The following IK variants were observed in gnomAD, a reference collection of about 807,000 sequenced individuals.
IK encodes protein Red.
IK carries 47 observed loss-of-function variants against 90.9 expected under a neutral mutation model. The ratio of observed to expected loss-of-function variants is 0.52; its 90% CI spans 0.41 to 0.66. IK has a LOEUF of 0.66. IK is among the 30% of genes least tolerant of loss of function. The pLI is 0.00. For missense variants in IK, 385 were observed against 709.3 expected, an observed-to-expected ratio of 0.54 and a Z score of 5.19; for synonymous variants, 201 against 227.5, an observed-to-expected ratio of 0.88 and a Z score of 1.05.
intron 2 of IK, among the ~76,000 whole-genome samples, chr5:140,649,164 C>A (rs1757562948): frequency 6.7e-6 from 1 of 149,886 alleles, no homozygotes; most frequent in Non-Finnish European, 1.5e-5. Flanking sequence ...TGATAACATC[C>A]CCAATTCCAG....
intron 9 of IK, 103 bp from the exon 10 acceptor site, chr5:140,657,451 C>G: frequency 1.3e-6 from 1 of 778,158 alleles, no homozygotes; most frequent in Non-Finnish European, 2.1e-6. Flanking sequence ...CTCCCTTCAC[C>G]TACTGTATTG....
intron 15 of IK, 170 bp from the exon 16 acceptor site, chr5:140,660,588 G>A: frequency 1.7e-6 from 1 of 584,792 alleles, no homozygotes; most frequent in East Asian, 2.9e-5. Flanking sequence ...GTGAGCCACT[G>A]CGCCTGGCCC....
intron 6 of IK, 37 bp downstream of exon 6, chr5:140,654,089 G>A (rs576883412): frequency 1.4e-5 from 17 of 1,174,952 alleles, no homozygotes; most frequent in Middle Eastern, 1.9e-4. Flanking sequence ...TAATACTGTC[G>A]TGCTGAATGC....
chr5:140,661,417 TTAAG>T lies in IK; in HGVS notation c.1414-201_1414-198del. ...TCCCTCTTCATAGATTTTATGAGAA[TTAAG>T]TGAGATATGCATTTAGTGTACAGAA... On this transcript the variant is annotated intron_variant, in intron 16 of 19. Coordinates refer to ENST00000417647, the MANE Select transcript of IK (RefSeq NM_006083.4). The surrounding 1 kb of genome is among the most constrained non-coding windows in gnomAD (Gnocchi z 4.2). The T allele has an allele frequency of 5.5e-6, 3 of 543,922 alleles. No individual in the cohort carries two copies. The highest frequency in any genetic ancestry group is 9.9e-6 in the Non-Finnish European group (3 of 303,484). The allele number at this position is 543,922 out of a possible 1,614,324, so 33.7% of individuals were successfully genotyped here. A position where few individuals can be genotyped will look rare whatever the true frequency, so the allele number is the denominator to read the frequency against.
At chr5:140,652,231 C>T in intron 4 of IK, 84 bp downstream of exon 4, 1 of 1,073,196 alleles carries the variant, frequency 9.3e-7, no homozygotes, top group Non-Finnish European at 1.4e-6. Context: ...AAGCTAGAAA[C>T]TAAGATTTTG....
chr5:140,657,427 A>G lies in IK; in HGVS notation c.802-127A>G, dbSNP rs139151359. On this transcript the variant is annotated intron_variant, in intron 9 of 19. Coordinates refer to ENST00000417647, the MANE Select transcript of IK (RefSeq NM_006083.4). Reference sequence around the variant, plus strand: ...TTTTATCTCTGGAATATCCTTTCACAGCACTTCGTTTCCCTCCCTTCACCT... The same window carrying G: ...TTTTATCTCTGGAATATCCTTTCACGGCACTTCGTTTCCCTCCCTTCACCT... The G allele has an allele frequency of 7.7e-4, 493 of 638,546 alleles. 3 individuals are homozygous for G. In the African/African-American group the frequency reaches 8.4e-3, roughly 11 times the overall value. 39.6% of individuals were successfully genotyped at this position (638,546 alleles called of 1,614,324 possible).
chr5:140,651,827 A>C, intron 3 of IK, 21 bp downstream of exon 3: 2 of 1,442,592 alleles, frequency 1.4e-6, no homozygotes, highest in Non-Finnish European at 1.9e-6. Flanking sequence ...GGGTGATCCA[A>C]CCTGTCTCCC....
Position 140,660,109 on chromosome 5 carries a change from G to A in IK, c.1275-6G>A. The stretch of plus-strand genomic sequence containing the variant: ...CCTGTGTAGTGTTTTCTTTAACATA[G>A]CATATGCTGAAGAAGCCAGAAGACA... On this transcript the variant is annotated splice_polypyrimidine_tract_variant and splice_region_variant and intron_variant, in intron 14 of 19. Transcript: ENST00000417647. The A allele has an allele frequency of 6.2e-7, 1 of 1,611,608 alleles. No individual in the cohort carries two copies. The highest frequency in any genetic ancestry group is 8.5e-7 in the Non-Finnish European group (1 of 1,177,942).
intron 2 of IK, among the ~76,000 whole-genome samples, chr5:140,649,735 G>T (rs1218498339): frequency 6.6e-6 from 1 of 151,900 alleles, no homozygotes; most frequent in African/African-American, 2.4e-5. Context: ...GTTTCGCTAT[G>T]TTGGCCAGGC....
At chr5:140,652,194 A>G in intron 4 of IK, 47 bp downstream of exon 4, 1 of 1,404,366 alleles carries the variant, frequency 7.1e-7, no homozygotes, top group Non-Finnish European at 1.0e-6. Flanking sequence ...GATAGTGTTT[A>G]GGGGAAAGAA....
chr5:140,655,987 A>G lies in IK; in HGVS notation c.796A>G (p.Met266Val). ...CCGCAGCAAGGCTGATTGCCCCACC[A>G]TGGAGGTGAGTGAATGGAATCCTGA... is the stretch of plus-strand genomic sequence containing the variant. ...LIRSKADCPT[M>V]EAQTTLTTND... The change falls in exon 9 of 20, where the codon ATG becomes GTG. Residue 266 changes from methionine to valine, a missense_variant. Physicochemically the swap from Met to Val is conservative, Grantham distance 21. Coordinates refer to ENST00000417647, the MANE Select transcript of IK (RefSeq NM_006083.4). The G allele has an allele frequency of 6.4e-7, 1 of 1,552,072 alleles. No individual in the cohort carries two copies. Among genetic ancestry groups the G allele is most frequent in the Non-Finnish European group, 8.7e-7 (1 of 1,147,144 alleles).
chr5:140,658,369 G>A (rs1246441387), intron 10 of IK, among the ~76,000 whole-genome samples: 1 of 151,942 alleles, frequency 6.6e-6, no homozygotes, highest in Non-Finnish European at 1.5e-5. Flanking sequence ...CCAGGCTGGA[G>A]TGCAGTGATG....
In IK at chr5:140,651,796, C is replaced by T. The variant is rs1355747237; in HGVS notation, c.166C>T (p.Arg56Cys). 1.9e-6 allele frequency: 3 copies of T among 1,602,454 alleles called. No individual in the cohort carries two copies. Among genetic ancestry groups the T allele is most frequent in the Middle Eastern group, 1.7e-4 (1 of 6,050 alleles). ...TACCTCTGCACCACCTTCTAAGTCA[C>T]GTCACCATGAGTAAGTCTTTGGGTG... ...APTSAPPSKSRHHEMPREYNE... is the reference protein window; with the variant it reads ...APTSAPPSKSCHHEMPREYNE... The change falls in exon 3 of 20, where the codon CGT becomes TGT. Residue 56 changes from arginine (R) to cysteine (C), a missense_variant. Arg to Cys is a radical substitution (Grantham distance 180). Coordinates refer to ENST00000417647, the MANE Select transcript of IK (RefSeq NM_006083.4).
chr5:140,649,371 A>T (rs1300921489), intron 2 of IK, among the ~76,000 whole-genome samples: 1 of 132,410 alleles, frequency 7.6e-6, no homozygotes, highest in Non-Finnish European at 1.7e-5. Flanking sequence ...ACCATGCACG[A>T]CTGATTTTTT....
intron 15 of IK, 180 bp downstream of exon 15, chr5:140,660,375 G>A (rs540840558): frequency 9.4e-6 from 5 of 530,378 alleles, no homozygotes; most frequent in Non-Finnish European, 1.7e-5. Context: ...TCTGCTCGCT[G>A]CAATCTCCAT....
At chr5:140,650,980 T>C (rs893369145) in intron 2 of IK, among the ~76,000 whole-genome samples, 3 of 152,220 alleles carry the variant, frequency 2.0e-5, no homozygotes, top group Non-Finnish European at 4.4e-5. Context: ...ATGGAGTTGC[T>C]GGCTCATAGG....
At chr5:140,658,900 T>C (rs2149807898) in intron 11 of IK, 39 bp from the exon 12 acceptor site, 1 of 1,611,252 alleles carries the variant, frequency 6.2e-7, no homozygotes, top group Middle Eastern at 1.6e-4. Flanking sequence ...TGAAGGTGTA[T>C]GTGTGAATTT....
At position 140,658,773 on chromosome 5, in the gene IK, T is replaced by C; in HGVS notation, c.947T>C (p.Met316Thr). The C allele has an allele frequency of 1.9e-6, 3 of 1,611,558 alleles. No individual in the cohort carries two copies. The highest frequency in any genetic ancestry group is 8.5e-7 in the Non-Finnish European group (1 of 1,178,550). Residue 316 changes from methionine (M) to threonine (T), a missense_variant, in exon 11 of 20, where the codon ATG (methionine) becomes ACG (threonine). Coordinates refer to ENST00000417647, the MANE Select transcript of IK (RefSeq NM_006083.4). ...GAGAAGAAACCTCCTGAGGCTGACA[T>C]GAAGTATGTATCCTAGCCCCTGGCA... ...LEEKKPPEAD[M>T]NIFEDIGDYV... is the part of the protein sequence containing the mutation.
At chr5:140,649,851 T>C (rs138940786) in intron 2 of IK, among the ~76,000 whole-genome samples, 37 of 152,372 alleles carry the variant, frequency 2.4e-4, no homozygotes, top group African/African-American at 8.4e-4. Flanking sequence ...CTTTTTTAAA[T>C]GCATTTATAC....
Sources: allele counts gnomAD v4.1 joint callset (sites outside exome capture counted in the v4.1 genomes callset), GRCh38; gene constraint gnomAD v4.1.1; non-coding constraint Gnocchi (gnomAD v3.1); transcripts MANE v1.5; gene names NCBI Gene and HGNC (gene_info 2026-07-23, HGNC 2026-07-21).